The following QRICH2 variants were observed in gnomAD, a reference collection of about 807,000 sequenced individuals.
QRICH2 encodes glutamine rich 2, also known as glutamine-rich protein 2.
A neutral mutation model predicts 168.3 loss-of-function variants in QRICH2; 119 were observed. The observed-to-expected ratio is 0.71, with a 90% CI of 0.61 to 0.82. QRICH2 has a LOEUF of 0.82. Ranked by LOEUF, QRICH2 falls within the 40% of genes least tolerant of loss-of-function variation. The probability of loss-of-function intolerance (pLI) is 0.00; values close to 1 mark genes in which losing one functional copy is unlikely to be tolerated. For synonymous variants in QRICH2, 894 were observed against 951.2 expected (o/e 0.94, Z 1.11); for missense variants, 2,241 against 2,491.6 (o/e 0.90, Z 2.14).
At chr17:76,279,254 G>C in intron 13 of QRICH2, 109 bp downstream of exon 13, 1 of 1,334,012 alleles carries the variant, frequency 7.5e-7, no homozygotes, top group South Asian at 1.3e-5. Flanking sequence ...AGGGAGCGAG[G>C]GCTGGAAGCA....
intron 6 of QRICH2, among the ~76,000 whole-genome samples, chr17:76,287,546 C>T (rs2070913166): frequency 6.6e-6 from 1 of 152,180 alleles, no homozygotes; most frequent in South Asian, 2.1e-4. Context: ...TTGTCTCCTT[C>T]AGCCTCCGAC....
At position 76,291,884 on chromosome 17, in the gene QRICH2, A is replaced by G. The variant is rs2071000050; in HGVS notation, c.2843T>C (p.Leu948Ser). 1 of 1,613,998 alleles carries G rather than the reference A, an allele frequency of 6.2e-7. No homozygotes were observed. The highest frequency in any genetic ancestry group is 1.3e-5 in the African/African-American group (1 of 74,902). ...PLGLVQPGAY[L>S]HDLSQSGTYP... Reference sequence around the variant, plus strand: ...TGTCCCAGATTGAGATAAATCATGCAAATATGCACCAGGTTGTACCAAACC... The same window carrying G: ...TGTCCCAGATTGAGATAAATCATGCGAATATGCACCAGGTTGTACCAAACC... The change falls in exon 4 of 19, where the codon TTG becomes TCG. Residue 948 changes from leucine (L) to serine (S), a missense_variant. Around this residue, in one of 3 missense-constraint regions of QRICH2, gnomAD observed 2,047 missense variants for 2,303.8 expected, o/e 0.89. Coordinates refer to ENST00000680821, the MANE Select transcript of QRICH2 (RefSeq NM_001388453.1).
At position 76,291,351 on chromosome 17, in the gene QRICH2, G is replaced by A; in HGVS notation, c.3376C>T (p.Gln1126Ter). 6.2e-7 allele frequency: 1 copy of A among 1,614,126 alleles called. No homozygotes were observed. Among genetic ancestry groups the A allele is most frequent in the East Asian group, 2.2e-5 (1 of 44,878 alleles). Residue 1126 changes from glutamine (Q) to a stop codon, truncating the protein, a stop_gained, in exon 4 of 19, where the codon CAG becomes TAG. Coordinates refer to ENST00000680821, the MANE Select transcript of QRICH2 (RefSeq NM_001388453.1). LOFTEE classifies it high-confidence loss of function. ...GTTCTATTTGGATCCAAACCTTCCT[G>A]GCCATGCTGATCAGCACTTAGATAC... The part of the protein sequence containing the change: ...PGYLSADQHG[Q>*]EGLDPNRTRA...
chr17:76,276,554 G>C, intron 17 of QRICH2, 126 bp downstream of exon 17: 1 of 661,514 alleles, frequency 1.5e-6, no homozygotes, highest in Admixed American at 2.6e-5. Flanking sequence ...TGCACATTTG[G>C]AGTGAGGGGA....
intron 5 of QRICH2, among the ~76,000 whole-genome samples, chr17:76,289,082 C>T (rs1402998984): frequency 3.5e-5 from 5 of 141,316 alleles, no homozygotes; most frequent in African/African-American, 1.1e-4. Flanking sequence ...CCAGCCTTGG[C>T]GACAGAGTGA....
chr17:76,280,524 G>A lies in QRICH2; in HGVS notation c.4462-73C>T, dbSNP rs541456413. The A allele has an allele frequency of 2.5e-6, 4 of 1,589,422 alleles. No individual in the cohort carries two copies. The highest frequency in any genetic ancestry group is 1.1e-5 in the South Asian group (1 of 88,290). ...AGGGGCCCCATTCCCTGGGGGTGTC[G>A]ACCCCTATCACCAGGCAGGTTTCTG... is the stretch of plus-strand genomic sequence containing the variant. On this transcript the variant is annotated intron_variant, in intron 10 of 18. Transcript: ENST00000680821. This position sits in a 1 kb window ranked among gnomAD's most constrained non-coding sequence, Gnocchi z 7.4.
rs3803736 is a variant in QRICH2, at chr17:76,293,161, T to C, written c.1566A>G (p.Gln522=). The change falls in exon 4 of 19, where the codon CAA becomes CAG. Residue 522 remains glutamine, a synonymous_variant. Transcript: ENST00000680821. ...QQGLTLPVVD[Q]HGLVLPFTDQ... ...CTGTAAAAGGTAGAACCAGGCCATG[T>C]TGATCGACGACAGGCAATGTCAATC... 0.037 allele frequency: 60,113 copies of C among 1,614,202 alleles called. 2,154 individuals are homozygous for C. The highest frequency in any genetic ancestry group is 0.18 in the African/African-American group (13,540 of 75,028).
intron 14 of QRICH2, among the ~76,000 whole-genome samples, chr17:76,278,624 C>T (rs1461799335): frequency 2.0e-5 from 3 of 152,216 alleles, no homozygotes; most frequent in Admixed American, 2.0e-4. Flanking sequence ...AGATGCCCAC[C>T]GCCAGCCTCC....
At chr17:76,301,489 GC>G in intron 3 of QRICH2, 1 of 223,724 alleles carries the variant, frequency 4.5e-6, no homozygotes, top group Non-Finnish European at 9.5e-6. Context: ...GATTGCTTGA[GC>G]CCCAGAGGGG....
Position 76,292,946 on chromosome 17 carries a change from C to T in QRICH2, c.1781G>A (p.Gly594Asp), listed in dbSNP as rs759960179. The T allele has an allele frequency of 1.4e-5, 23 of 1,613,978 alleles. No homozygotes were observed. The highest frequency in any genetic ancestry group is 1.9e-5 in the Non-Finnish European group (22 of 1,180,022). The change falls in exon 4 of 19, where the codon GGT becomes GAT. Residue 594 changes from glycine (G) to aspartate (D), a missense_variant. Transcript: ENST00000680821. ...CCGGACCAAACCACGCTGATCTGCACCAGGTTGGACCAAGCCAGGCTGATA... is the reference window on the plus strand; with the variant it reads ...CCGGACCAAACCACGCTGATCTGCATCAGGTTGGACCAAGCCAGGCTGATA... ...GAYQPGLVQP[G>D]ADQRGLVRPG...
At chr17:76,305,423 C>T (rs1225629235) in intron 1 of QRICH2, among the ~76,000 whole-genome samples, 1 of 152,178 alleles carries the variant, frequency 6.6e-6, no homozygotes, top group Non-Finnish European at 1.5e-5. Flanking sequence ...GCCTCGGCCT[C>T]CCACAGTGCT....
intron 14 of QRICH2, among the ~76,000 whole-genome samples, chr17:76,278,455 C>T (rs937656577): frequency 3.3e-5 from 5 of 152,250 alleles, no homozygotes; most frequent in Admixed American, 1.3e-4. Flanking sequence ...GGTGGAGGAG[C>T]TGAGGGCAGC....
At chr17:76,310,517 T>C (rs541863730), upstream of QRICH2, 2 of 151,854 alleles carry the variant, frequency 1.3e-5, no homozygotes, top group Admixed American at 1.3e-4. Context: ...CCAGGATGGA[T>C]GGCAGTGGTA....
intron 15 of QRICH2, among the ~76,000 whole-genome samples, chr17:76,277,534 CCACA>C (rs979122804): frequency 8.6e-5 from 13 of 151,898 alleles, no homozygotes; most frequent in African/African-American, 3.1e-4. Flanking sequence ...ACACACACAC[CCACA>C]CACTCACACA....
chr17:76,277,660 G>GCA (rs375888219), intron 15 of QRICH2, among the ~76,000 whole-genome samples: 2 of 150,670 alleles, frequency 1.3e-5, no homozygotes, highest in South Asian at 2.1e-4. Flanking sequence ...TCATACACAT[G>GCA]CACACACACA....
Position 76,277,849 on chromosome 17 carries a change from GC to G in QRICH2, c.5117+139del. The G allele has an allele frequency of 5.8e-6, 5 of 859,188 alleles. No individual in the cohort carries two copies. In the South Asian group the frequency reaches 7.9e-5, roughly 14 times the overall value. The allele number at this position is 859,188 out of a possible 1,614,324, so 53.2% of individuals were successfully genotyped here. The stretch of plus-strand genomic sequence containing the variant: ...CACATCACACACACTAACACCCCTC[GC>G]CCACACTTTCTCTCACACACACACA... On this transcript the variant is annotated intron_variant, in intron 15 of 18. Transcript: ENST00000680821.
At chr17:76,296,645 G>C (rs2070797092) in intron 3 of QRICH2, among the ~76,000 whole-genome samples, 1 of 152,092 alleles carries the variant, frequency 6.6e-6, no homozygotes, top group Non-Finnish European at 1.5e-5. Flanking sequence ...AGGCACAGTG[G>C]CACATGCTTG....
chr17:76,278,135 G>C lies in QRICH2; in HGVS notation c.4971C>G (p.Ser1657Arg). The change falls in exon 15 of 19, where the codon AGC (serine) becomes AGG (arginine). Residue 1657 changes from serine (S) to arginine (R), a missense_variant. Physicochemically the swap from Ser to Arg is moderately radical, Grantham distance 110. Transcript: ENST00000680821. ...AGTGCATGGAGCGCAGGCGCCCCAC[G>C]CTCTGCTCCATCTGCGCCAGGTCAC... ...PRGDLAQMEQ[S>R]VGRLRSMHSK... The C allele has an allele frequency of 1.9e-6, 3 of 1,612,568 alleles. No homozygotes were observed. Among genetic ancestry groups the C allele is most frequent in the Non-Finnish European group, 2.5e-6 (3 of 1,180,034 alleles).
Position 76,307,684 on chromosome 17 carries a change from G to A in QRICH2, c.315C>T (p.Asp105=). Residue 105 remains aspartate, a synonymous_variant, in exon 1 of 19, where the codon GAC becomes GAT. Coordinates refer to ENST00000680821, the MANE Select transcript of QRICH2 (RefSeq NM_001388453.1). This position sits in a 1 kb window ranked among gnomAD's most constrained non-coding sequence, Gnocchi z 5.3. ...TCAGGTCCTCCACCTGGCCGCCCAGGTCCTTCACTTGGCTCTCCAGCGCTG... is the reference window on the plus strand; with the variant it reads ...TCAGGTCCTCCACCTGGCCGCCCAGATCCTTCACTTGGCTCTCCAGCGCTG... ...PSSALESQVK[D]LGGQVEDLSK... 6 of 1,451,410 alleles carry A rather than the reference G, an allele frequency of 4.1e-6. No individual in the cohort carries two copies. The highest frequency in any genetic ancestry group is 5.5e-6 in the Non-Finnish European group (6 of 1,100,646). 89.9% of individuals were successfully genotyped at this position (1,451,410 alleles called of 1,614,324 possible). A position where few individuals can be genotyped will look rare whatever the true frequency, so the allele number is the denominator to read the frequency against.
Sources: gnomAD v4.1 joint callset for allele counts (sites outside exome capture counted in the v4.1 genomes callset) on GRCh38, gnomAD v4.1.1 for gene constraint, gnomAD v4.1.1 regional missense constraint, Gnocchi (gnomAD v3.1) non-coding constraint, MANE v1.5 for transcripts, NCBI Gene and HGNC (gene_info 2026-07-23, HGNC 2026-07-21) for gene names.